The following PCM1 variants were observed in gnomAD, a reference collection of about 807,000 sequenced individuals.
PCM1 encodes the protein pericentriolar material 1 protein.
Under a neutral mutation model 241.9 loss-of-function variants are expected in PCM1, and 157 were observed. The ratio of observed to expected loss-of-function variants is 0.65; its 90% confidence interval spans 0.57 to 0.74. The LOEUF (loss-of-function observed/expected upper bound fraction) is 0.74. Ranked by LOEUF, PCM1 falls within the 30% of genes least tolerant of loss-of-function variation. The probability of loss-of-function intolerance (pLI) is 0.00; values close to 1 mark genes in which losing one functional copy is unlikely to be tolerated. For synonymous variants in PCM1, 1,085 were observed against 784.9 expected (o/e 1.38, Z -6.39); for missense variants, 3,478 against 2,360.1 (o/e 1.47, Z -9.81).
rs759568063 is a variant in PCM1, at chr8:18,014,776, A to C, written c.5777A>C (p.Glu1926Ala). 12 of 1,609,994 alleles carry C rather than the reference A, an allele frequency of 7.5e-6. No individual in the cohort carries two copies. Among genetic ancestry groups the C allele is most frequent in the Non-Finnish European group, 1.0e-5 (12 of 1,179,268 alleles). The change falls in exon 36 of 39, where the codon GAA (glutamate) becomes GCA (alanine). Residue 1926 changes from glutamate (E) to alanine (A), a missense_variant. Transcript: ENST00000325083. Reference sequence around the variant, plus strand: ...GTCAAAGAAGTTAAATCTGCTCAGGAAACTCCTGAAAGCTCTCTGGCTGGA... The same window carrying C: ...GTCAAAGAAGTTAAATCTGCTCAGGCAACTCCTGAAAGCTCTCTGGCTGGA... ...PRVKEVKSAQ[E>A]TPESSLAGSP...
chr8:17,989,091 G>T (rs2083578992), intron 26 of PCM1, among the ~76,000 whole-genome samples: 1 of 151,962 alleles, frequency 6.6e-6, no homozygotes, highest in Non-Finnish European at 1.5e-5. Flanking sequence ...TCTATACAGT[G>T]GAATACTGTG....
chr8:17,997,239 A>G (rs2087199622), intron 29 of PCM1, among the ~76,000 whole-genome samples: 2 of 152,060 alleles, frequency 1.3e-5, no homozygotes, highest in South Asian at 2.1e-4. Flanking sequence ...TAAGGATTCT[A>G]GTGACAAGTC....
rs1386939883 is a variant in PCM1, at chr8:18,028,015, A to AATGTT, written c.*354_*358dup. ...TATATTGAATTCTATACAGCAAGTC[A>AATGTT]ATGTTTTATATAACTTTAGGCTGCT... is the stretch of plus-strand genomic sequence containing the variant. On this transcript the variant is annotated 3_prime_UTR_variant, in exon 39 of 39. Transcript: ENST00000325083. 2 of 239,184 alleles carry AATGTT rather than the reference A, an allele frequency of 8.4e-6. No individual in the cohort carries two copies. The highest frequency in any genetic ancestry group is 1.6e-5 in the Non-Finnish European group (2 of 123,102). 14.8% of individuals were successfully genotyped at this position (239,184 alleles called of 1,614,324 possible).
At chr8:18,007,993 C>G (rs1390237734) in intron 30 of PCM1, among the ~76,000 whole-genome samples, 1 of 152,112 alleles carries the variant, frequency 6.6e-6, no homozygotes, top group Non-Finnish European at 1.5e-5. Flanking sequence ...CTAAAATAAT[C>G]AAAAGGGTCA....
chr8:17,951,748 G>C (rs1351116946), intron 8 of PCM1, among the ~76,000 whole-genome samples: 1 of 152,032 alleles, frequency 6.6e-6, no homozygotes, highest in Non-Finnish European at 1.5e-5. Flanking sequence ...CTTTGGAGTG[G>C]GTAATGACAT....
chr8:17,997,871 CAA>C (rs547331477), intron 29 of PCM1, among the ~76,000 whole-genome samples: 24 of 115,908 alleles, frequency 2.1e-4, no homozygotes, highest in South Asian at 2.7e-4. Flanking sequence ...CTACAACATA[CAA>C]AAAAAAAAAA....
chr8:17,932,481 TTTC>T (rs1246222645), intron 2 of PCM1, among the ~76,000 whole-genome samples: 1 of 152,144 alleles, frequency 6.6e-6, no homozygotes, highest in Non-Finnish European at 1.5e-5. Context: ...AATTTAATAG[TTTC>T]TTATTTTAAT....
chr8:17,956,396 A>G (rs527643137), intron 10 of PCM1, among the ~76,000 whole-genome samples: 1 of 152,334 alleles, frequency 6.6e-6, no homozygotes, highest in South Asian at 2.1e-4. Flanking sequence ...TCCCTAAAAC[A>G]GCATAAGAAA....
At chr8:17,997,285 T>C (rs892266629) in intron 29 of PCM1, among the ~76,000 whole-genome samples, 1 of 152,212 alleles carries the variant, frequency 6.6e-6, no homozygotes, top group Non-Finnish European at 1.5e-5. Flanking sequence ...TTATATGTTA[T>C]TTGTTTCTTT....
rs111958402 is a variant in PCM1, at chr8:18,016,139, C to G, written c.5841+1299C>G. ...TCCTGACATTGTAATCCGCCTGCCT[C>G]AGCCTCCCAAAGTGCTGGGATTACA... is the stretch of plus-strand genomic sequence containing the variant. On this transcript the variant is annotated intron_variant, in intron 36 of 38. Transcript: ENST00000325083. Among the ~76,000 whole-genome samples the G allele has an allele frequency of 8.0e-4, 122 of 152,316 alleles. 1 individual carries two copies. The highest frequency in any genetic ancestry group is 2.9e-3 in the African/African-American group (119 of 41,574).
At chr8:18,015,651 C>G (rs1057441620) in intron 36 of PCM1, 1 of 152,038 alleles carries the variant, frequency 6.6e-6, no homozygotes, top group Non-Finnish European at 1.5e-5. Context: ...GTTCCCACTT[C>G]CTGAATTGCT....
At chr8:17,967,535 C>T (rs1032459230) in intron 21 of PCM1, among the ~76,000 whole-genome samples, 2 of 152,192 alleles carry the variant, frequency 1.3e-5, no homozygotes, top group African/African-American at 4.8e-5. Flanking sequence ...CTCCAACTCC[C>T]GACCTCAGGT....
At position 17,966,769 on chromosome 8, in the gene PCM1, C is replaced by T. The variant is rs570653836; in HGVS notation, c.3222-211C>T. 7.2e-5 allele frequency among the ~76,000 whole-genome samples: 11 copies of T among 152,268 alleles called. 1 individual carries two copies. In the South Asian group the frequency reaches 1.2e-3, roughly 17 times the overall value. ...AAAAGTGATTTTCTTACAGTTTTAC[C>T]GACTGTCGGACAGAAGTACTAAGTT... On this transcript the variant is annotated intron_variant, in intron 20 of 38. Coordinates refer to ENST00000325083, the MANE Select transcript of PCM1 (RefSeq NM_006197.4).
rs765573508 is a variant in PCM1 at position 17,963,135 on chromosome 8, G to C, written c.2498G>C (p.Arg833Thr). ...WSEMRRHEML[R>T]EELRQRRKQL... ...GAAATGAGAAGACATGAAATGTTGA[G>C]GGAGGAGCTGCGACAGAGAAGAAAG... is the stretch of plus-strand genomic sequence containing the variant. The change falls in exon 17 of 39, where the codon AGG becomes ACG. Residue 833 changes from arginine to threonine, a missense_variant. Physicochemically the swap from Arg to Thr is moderately conservative, Grantham distance 71. Transcript: ENST00000325083. The C allele has an allele frequency of 3.1e-6, 5 of 1,612,678 alleles. No individual in the cohort carries two copies. The highest frequency in any genetic ancestry group is 1.7e-6 in the Non-Finnish European group (2 of 1,179,252).
intron 1 of PCM1, 32 bp from the exon 2 acceptor site, chr8:17,924,681 C>T (rs755698132): frequency 2.6e-5 from 4 of 152,174 alleles, no homozygotes; most frequent in Non-Finnish European, 5.9e-5. Flanking sequence ...AAGTAATTTA[C>T]TTAAGTGATA....
At chr8:17,949,514 T>G (rs2065182742) in intron 7 of PCM1, among the ~76,000 whole-genome samples, 1 of 141,524 alleles carries the variant, frequency 7.1e-6, no homozygotes, top group South Asian at 2.3e-4. Flanking sequence ...TTTTTTTTTT[T>G]GAGACAGGAT....
chr8:17,992,271 T>G (rs2084943098), intron 28 of PCM1, among the ~76,000 whole-genome samples: 1 of 152,312 alleles, frequency 6.6e-6, no homozygotes, highest in Non-Finnish European at 1.5e-5. Flanking sequence ...GTAGTGAGAT[T>G]GTTGGATCAA....
At chr8:17,936,910 T>C (rs2060592652) in intron 3 of PCM1, among the ~76,000 whole-genome samples, 1 of 152,164 alleles carries the variant, frequency 6.6e-6, no homozygotes, top group Admixed American at 6.5e-5. Context: ...GTGATCTTGA[T>C]AAGAAAATAA....
Position 17,985,950 on chromosome 8 carries a change from CT to C in PCM1, c.4282-7del. The C allele has an allele frequency of 6.7e-7, 1 of 1,482,018 alleles. No individual in the cohort carries two copies. Among genetic ancestry groups the C allele is most frequent in the Non-Finnish European group, 9.2e-7 (1 of 1,089,736 alleles). The allele number at this position is 1,482,018 out of a possible 1,614,324, so 91.8% of individuals were successfully genotyped here. ...TTTATATAAATGATGATCTTATTTT[CT>C]TATTTAGGACATAGTATCCAGACAT... is the stretch of plus-strand genomic sequence containing the variant. On this transcript the variant is annotated splice_polypyrimidine_tract_variant and splice_region_variant and intron_variant, in intron 25 of 38. Transcript: ENST00000325083.
Sources: allele counts gnomAD v4.1 joint callset (sites outside exome capture counted in the v4.1 genomes callset), GRCh38; gene constraint gnomAD v4.1.1; transcripts MANE v1.5; gene names NCBI Gene and HGNC (gene_info 2026-07-23, HGNC 2026-07-21).